Variants in ASTN2 observed in about 807,000 individuals in gnomAD.
The protein encoded by ASTN2 is astrotactin 2, also known as astrotactin-2.
ASTN2 carries 54 observed loss-of-function variants against 139.8 expected under a neutral mutation model. The ratio of observed to expected loss-of-function variants is 0.39; its 90% CI spans 0.31 to 0.48. The LOEUF (loss-of-function observed/expected upper bound fraction) is 0.48. ASTN2 is among the 20% of genes least tolerant of loss of function. The probability of loss-of-function intolerance (pLI) is 0.95; values close to 1 mark genes in which losing one functional copy is unlikely to be tolerated. For missense variants in ASTN2, 1,565 were observed against 1,725.1 expected, an observed-to-expected ratio of 0.91 and a Z score of 1.64; for synonymous variants, 756 against 719.5, an observed-to-expected ratio of 1.05 and a Z score of -0.81.
chr9:117,081,893 G>T (rs761024429), intron 5 of ASTN2, among the ~76,000 whole-genome samples: 5 of 152,200 alleles, frequency 3.3e-5, no homozygotes, highest in Non-Finnish European at 5.9e-5. Context: ...AACCACATAA[G>T]CTTGGAAGAG....
intron 19 of ASTN2, among the ~76,000 whole-genome samples, chr9:116,597,149 T>C (rs1274575388): frequency 3.9e-5 from 6 of 152,136 alleles, no homozygotes; most frequent in Admixed American, 3.9e-4. Flanking sequence ...TTTCTGGCCT[T>C]TGAAATTGGT....
chr9:117,328,928 G>C (rs927388366), intron 1 of ASTN2, among the ~76,000 whole-genome samples: 4 of 152,218 alleles, frequency 2.6e-5, no homozygotes, highest in East Asian at 3.9e-4. Flanking sequence ...TAAAGGGAAA[G>C]GAAGATGAAT....
chr9:117,133,928 G>C (rs1447506339), intron 4 of ASTN2, among the ~76,000 whole-genome samples: 1 of 152,104 alleles, frequency 6.6e-6, no homozygotes, highest in African/African-American at 2.4e-5. Context: ...TCTCCAGGTA[G>C]TTGTGTCTAT....
At chr9:116,918,687 G>A (rs7864288) in intron 10 of ASTN2, among the ~76,000 whole-genome samples, 1,899 of 151,928 alleles carry the variant, frequency 0.012, 27 homozygotes, top group African/African-American at 0.042. Flanking sequence ...TCCATTACAC[G>A]GACTATTATG....
intron 13 of ASTN2, among the ~76,000 whole-genome samples, chr9:116,777,627 C>G (rs533833958): frequency 1.3e-5 from 2 of 152,036 alleles, no homozygotes; most frequent in East Asian, 1.9e-4. Context: ...TTTCTGACTC[C>G]GAGGGTCTGG....
intron 5 of ASTN2, among the ~76,000 whole-genome samples, chr9:117,071,731 C>T (rs961645379): frequency 3.5e-4 from 52 of 150,280 alleles, no homozygotes; most frequent in Admixed American, 1.3e-3. Context: ...TTTCTTAAGC[C>T]GGTCTGAAAA....
At chr9:116,591,951 G>A (rs1854394832) in intron 19 of ASTN2, among the ~76,000 whole-genome samples, 1 of 152,308 alleles carries the variant, frequency 6.6e-6, no homozygotes, top group East Asian at 1.9e-4. Context: ...AATGAAAGAA[G>A]AGATAATAGT....
intron 1 of ASTN2, among the ~76,000 whole-genome samples, chr9:117,409,291 C>CA (rs1831094961): frequency 6.6e-6 from 1 of 152,032 alleles, no homozygotes; most frequent in African/African-American, 2.4e-5. Context: ...TTCCTCCCTC[C>CA]AAAAAAATTA....
chr9:117,130,010 T>G (rs1004348418), intron 4 of ASTN2, among the ~76,000 whole-genome samples: 6 of 152,196 alleles, frequency 3.9e-5, no homozygotes, highest in Non-Finnish European at 7.3e-5. Context: ...TTTTGTTTAA[T>G]ATATCCTATC....
chr9:116,913,632 T>C (rs1834371785), intron 10 of ASTN2, among the ~76,000 whole-genome samples: 1 of 152,224 alleles, frequency 6.6e-6, no homozygotes, highest in Non-Finnish European at 1.5e-5. Context: ...GTGCCAACTG[T>C]ATTGTTCAAA....
intron 16 of ASTN2, among the ~76,000 whole-genome samples, chr9:116,685,749 A>T (rs1860163652): frequency 6.6e-6 from 1 of 152,162 alleles, no homozygotes; most frequent in African/African-American, 2.4e-5. Flanking sequence ...AGAAGAGTCA[A>T]ACACTGATTT....
rs774202790 is a variant in ASTN2, at chr9:116,588,130, TGCCAAAAA to T, written c.3355+30186_3355+30193del. Among the ~76,000 whole-genome samples, 1,006 of 152,188 alleles carry T rather than the reference TGCCAAAAA, an allele frequency of 6.6e-3. 6 individuals carry two copies. The highest frequency in any genetic ancestry group is 0.012 in the Non-Finnish European group (785 of 68,002). ...AGAATGAGGCACTGGGCATGAAACA[TGCCAAAAA>T]TATCTACCCGCTGCTTTCCAGGATC... On this transcript the variant is annotated intron_variant, in intron 19 of 22. Coordinates refer to ENST00000313400, the MANE Select transcript of ASTN2 (RefSeq NM_001365068.1).
At chr9:116,495,557 A>C (rs1477247376) in intron 19 of ASTN2, among the ~76,000 whole-genome samples, 1 of 152,202 alleles carries the variant, frequency 6.6e-6, no homozygotes, top group Non-Finnish European at 1.5e-5. Context: ...TACATGAGTT[A>C]GTATTTTTGC....
intron 12 of ASTN2, 74 bp from the exon 13 acceptor site, chr9:116,805,894 G>A (rs1831017774): frequency 6.1e-6 from 9 of 1,468,654 alleles, no homozygotes; most frequent in Non-Finnish European, 8.4e-6. Context: ...TAAAACCAAG[G>A]CCTCCTTTCC....
At chr9:116,484,516 A>G (rs1349821181) in intron 20 of ASTN2, among the ~76,000 whole-genome samples, 1 of 152,114 alleles carries the variant, frequency 6.6e-6, no homozygotes, top group Non-Finnish European at 1.5e-5. Context: ...AAAAAATGAG[A>G]ATCCCCAAGA....
At chr9:117,265,028 TAGA>T (rs1028179801) in intron 2 of ASTN2, among the ~76,000 whole-genome samples, 55 of 152,312 alleles carry the variant, frequency 3.6e-4, no homozygotes, top group African/African-American at 1.3e-3. Context: ...ATCTCACAGC[TAGA>T]AGAAGTCAAG....
At chr9:116,658,234 GA>G (rs1564187587) in intron 16 of ASTN2, among the ~76,000 whole-genome samples, 1 of 152,122 alleles carries the variant, frequency 6.6e-6, no homozygotes, top group Non-Finnish European at 1.5e-5. Flanking sequence ...GCCACTTGGA[GA>G]ACTTGGATAT....
At chr9:116,512,968 T>C (rs1850466701) in intron 19 of ASTN2, among the ~76,000 whole-genome samples, 1 of 152,174 alleles carries the variant, frequency 6.6e-6, no homozygotes, top group Admixed American at 6.5e-5. Context: ...TGCCAATCTG[T>C]GTCTTTTAAT....
intron 4 of ASTN2, among the ~76,000 whole-genome samples, chr9:117,130,031 G>GTGATCA (rs1829790948): frequency 6.6e-6 from 1 of 152,120 alleles, no homozygotes; most frequent in African/African-American, 2.4e-5. Flanking sequence ...ACAGGGCCAG[G>GTGATCA]CATGGTGGCA....
Sources: allele counts gnomAD v4.1 joint callset (sites outside exome capture counted in the v4.1 genomes callset), GRCh38; gene constraint gnomAD v4.1.1; transcripts MANE v1.5; gene names NCBI Gene and HGNC (gene_info 2026-07-23, HGNC 2026-07-21).